ZBTB10: variants seen among roughly 807,000 people sequenced by gnomAD.
The protein encoded by ZBTB10 is zinc finger and BTB domain containing 10, also known as zinc finger and BTB domain-containing protein 10.
A neutral mutation model predicts 76.4 loss-of-function variants in ZBTB10; 32 were observed. The observed-to-expected ratio is 0.42, with a 90% CI of 0.32 to 0.56. ZBTB10 has a LOEUF of 0.56. ZBTB10 is among the 20% of genes least tolerant of loss of function. The pLI is 0.14. For missense variants in ZBTB10, 1,057 were observed against 1,098.5 expected (o/e 0.96, Z 0.53); for synonymous variants, 523 against 432.9 (o/e 1.21, Z -2.58).
At chr8:80,492,702 C>A (rs557157120) in intron 1 of ZBTB10, among the ~76,000 whole-genome samples, 1 of 151,930 alleles carries the variant, frequency 6.6e-6, no homozygotes, top group African/African-American at 2.4e-5. Flanking sequence ...TAGTCTCTAT[C>A]TCCTGATCTC....
intron 1 of ZBTB10, 120 bp downstream of exon 1, chr8:80,487,902 T>C: frequency 8.5e-7 from 1 of 1,183,270 alleles, no homozygotes; most frequent in Non-Finnish European, 1.1e-6. Flanking sequence ...GGTGAAGACA[T>C]CGTTCCAGTT....
chr8:80,500,150 T>G lies in ZBTB10; in HGVS notation c.1629T>G (p.Ser543=), dbSNP rs779844416. The G allele has an allele frequency of 3.7e-6, 6 of 1,613,614 alleles. No individual in the cohort carries two copies. The highest frequency in any genetic ancestry group is 5.1e-6 in the Non-Finnish European group (6 of 1,179,652). The stretch of plus-strand genomic sequence containing the variant: ...ACAGTAGTTGGGTCCAGGATGGATC[T>G]CCTGAAATGGCTGAAAATGAATCTG... ...MNDSSWVQDG[S]PEMAENESEG... The change falls in exon 2 of 6, where the codon TCT becomes TCG. Residue 543 remains serine, a synonymous_variant. Coordinates refer to ENST00000455036, the MANE Select transcript of ZBTB10 (RefSeq NM_001105539.3).
In ZBTB10 at chr8:80,487,532, C is replaced by G; in HGVS notation, c.722C>G (p.Ser241Cys). 2 of 1,583,294 alleles carry G rather than the reference C, an allele frequency of 1.3e-6. No individual in the cohort carries two copies. The highest frequency in any genetic ancestry group is 8.6e-7 in the Non-Finnish European group (1 of 1,164,634). The change falls in exon 1 of 6, where the codon TCT becomes TGT. Residue 241 changes from serine (S) to cysteine (C), a missense_variant. Physicochemically the swap from Ser to Cys is moderately radical, Grantham distance 112. This residue lies in a region of ZBTB10 where 556 missense variants were observed against 451.7 expected (regional missense o/e 1.23). Coordinates refer to ENST00000455036, the MANE Select transcript of ZBTB10 (RefSeq NM_001105539.3). ...CACTTCCCGCTCGCGCGGCCCAAGT[C>G]TCTAATGCAGAAGCTCCAATGCTCC... ...VQHFPLARPK[S>C]LMQKLQCSFQ...
At chr8:80,488,370 AAATT>A (rs1242141323) in intron 1 of ZBTB10, among the ~76,000 whole-genome samples, 9 of 152,216 alleles carry the variant, frequency 5.9e-5, no homozygotes, top group Non-Finnish European at 8.8e-5. Context: ...TAATTTTACT[AAATT>A]AATCTCTGTT....
At chr8:80,485,823 T>G, upstream of ZBTB10, 2 of 1,535,788 alleles carry the variant, frequency 1.3e-6, no homozygotes, top group Non-Finnish European at 1.7e-6. Context: ...CACAGTTATT[T>G]GCAAAGTCCC....
At chr8:80,511,181 A>G (rs1480080217) in intron 2 of ZBTB10, among the ~76,000 whole-genome samples, 1 of 152,240 alleles carries the variant, frequency 6.6e-6, no homozygotes, top group Non-Finnish European at 1.5e-5. Flanking sequence ...ACACAAGACA[A>G]ATATACTTGA....
At chr8:80,503,960 C>T (rs1311521390) in intron 2 of ZBTB10, among the ~76,000 whole-genome samples, 1 of 152,188 alleles carries the variant, frequency 6.6e-6, no homozygotes. Flanking sequence ...ACACAATTTA[C>T]TCTTTCCAGG....
rs1488780539 is a variant in ZBTB10, at chr8:80,486,355, G to C, written c.-456G>C. ...ACCCTCAGCGCCTGCGAAGCCGGCG[G>C]CGGCGTCGGGACTCCTCGGCGCGCG... On this transcript the variant is annotated 5_prime_UTR_variant, in exon 1 of 6. Coordinates refer to ENST00000455036, the MANE Select transcript of ZBTB10 (RefSeq NM_001105539.3). 2 of 990,392 alleles carry C rather than the reference G, an allele frequency of 2.0e-6. No homozygotes were observed. The highest frequency in any genetic ancestry group is 1.2e-6 in the Non-Finnish European group (1 of 833,648). The allele number at this position is 990,392 out of a possible 1,614,324, so 61.4% of individuals were successfully genotyped here.
chr8:80,488,773 G>A (rs1815549100), intron 1 of ZBTB10, among the ~76,000 whole-genome samples: 1 of 152,160 alleles, frequency 6.6e-6, no homozygotes, highest in Non-Finnish European at 1.5e-5. Context: ...AACCTGTGGT[G>A]GTGGATGGAA....
rs536901968 is a variant in ZBTB10 at position 80,514,089 on chromosome 8, C to T, written c.1960+81C>T. The stretch of plus-strand genomic sequence containing the variant: ...TTACCTGCAGCCTAGTGTAATTTCT[C>T]TTCCATAAGGGGGTTCTATTGTATA... On this transcript the variant is annotated intron_variant, in intron 3 of 5. Transcript: ENST00000455036. The T allele has an allele frequency of 2.2e-5, 28 of 1,281,962 alleles. No homozygotes were observed. The African/African-American group carries it at 2.4e-4, about 11-fold the overall frequency. The allele number at this position is 1,281,962 out of a possible 1,614,324, so 79.4% of individuals were successfully genotyped here.
chr8:80,500,729 G>A (rs1027095918), intron 2 of ZBTB10, among the ~76,000 whole-genome samples: 4 of 152,110 alleles, frequency 2.6e-5, no homozygotes, highest in Admixed American at 2.6e-4. Flanking sequence ...AGAATCTTTA[G>A]TTGTAATATA....
chr8:80,493,207 GCACA>G (rs369440030), intron 1 of ZBTB10, among the ~76,000 whole-genome samples: 4,125 of 125,116 alleles, frequency 0.033, 78 homozygotes, highest in African/African-American at 0.05. Flanking sequence ...GCGCGCGCGC[GCACA>G]CACACACACA....
intron 2 of ZBTB10, among the ~76,000 whole-genome samples, chr8:80,512,478 A>G (rs1195630504): frequency 6.6e-6 from 1 of 152,204 alleles, no homozygotes; most frequent in African/African-American, 2.4e-5. Flanking sequence ...TGGGAGGCCA[A>G]GGCAGGAGGA....
chr8:80,509,487 A>G (rs1395867455), intron 2 of ZBTB10, among the ~76,000 whole-genome samples: 1 of 152,154 alleles, frequency 6.6e-6, no homozygotes, highest in African/African-American at 2.4e-5. Flanking sequence ...TTTCCAACTC[A>G]GTCTTGTTTA....
At chr8:80,493,205 GCGCACACACACACACA>G (rs1169875865) in intron 1 of ZBTB10, among the ~76,000 whole-genome samples, 72 of 98,444 alleles carry the variant, frequency 7.3e-4, no homozygotes, top group African/African-American at 2.5e-3. Context: ...GCGCGCGCGC[GCGCACACACACACACA>G]CACACACACA....
chr8:80,505,751 G>A lies in ZBTB10; in HGVS notation c.1861+5369G>A, dbSNP rs151076682. 9.1e-4 allele frequency among the ~76,000 whole-genome samples: 138 copies of A among 151,924 alleles called. 1 individual carries two copies. The highest frequency in any genetic ancestry group is 1.8e-3 in the Non-Finnish European group (120 of 67,968). On this transcript the variant is annotated intron_variant, in intron 2 of 5. Transcript: ENST00000455036. The stretch of plus-strand genomic sequence containing the variant: ...AAATCGTAATAAGGCATATATTTGA[G>A]GCAGAGTCTTGCTCTGTCACCCAGG...
rs955537135 is a variant in ZBTB10 at position 80,520,514 on chromosome 8, A to G, written c.*986A>G. ...TGATTTGTTTTATAATTTATCCACC[A>G]TGTCCAGTTTGGTTAGCTTGTTATG... On this transcript the variant is annotated 3_prime_UTR_variant, in exon 6 of 6. Transcript: ENST00000455036. The G allele has an allele frequency of 6.6e-6, 1 of 152,408 alleles. No individual in the cohort carries two copies. Among genetic ancestry groups the G allele is most frequent in the African/African-American group, 2.4e-5 (1 of 41,422 alleles). 9.4% of individuals were successfully genotyped at this position (152,408 alleles called of 1,614,324 possible).
intron 3 of ZBTB10, among the ~76,000 whole-genome samples, chr8:80,517,516 G>A (rs866379410): frequency 6.6e-6 from 1 of 152,120 alleles, no homozygotes; most frequent in African/African-American, 2.4e-5. Flanking sequence ...GATGGAGTTA[G>A]AAAGAAATTT....
At chr8:80,497,177 T>C (rs1815803988) in intron 1 of ZBTB10, among the ~76,000 whole-genome samples, 2 of 152,200 alleles carry the variant, frequency 1.3e-5, no homozygotes, top group Non-Finnish European at 2.9e-5. Context: ...AAATTGTTCA[T>C]TCCTCTTTGC....
Sources: gnomAD v4.1 joint callset for allele counts (sites outside exome capture counted in the v4.1 genomes callset) on GRCh38, gnomAD v4.1.1 for gene constraint, gnomAD v4.1.1 regional missense constraint, MANE v1.5 for transcripts, NCBI Gene and HGNC (gene_info 2026-07-23, HGNC 2026-07-21) for gene names.